The following CEP164 variants were observed in gnomAD, a reference collection of about 807,000 sequenced individuals.
CEP164 encodes the protein centrosomal protein 164.
In CEP164, 162 loss-of-function variants were observed where a neutral mutation model predicts 182.7. That is an observed-to-expected ratio of 0.89 (90% CI 0.78 to 1.01). CEP164 has a LOEUF of 1.01. Among genes scored for constraint, CEP164 ranks in the 50% least tolerant of loss-of-function variants. The probability of loss-of-function intolerance (pLI) is 0.00; values close to 1 mark genes in which losing one functional copy is unlikely to be tolerated. For missense variants in CEP164, 1,735 were observed against 1,790.4 expected (o/e 0.97, Z 0.56); for synonymous variants, 661 against 690.0 (o/e 0.96, Z 0.66).
intron 4 of CEP164, among the ~76,000 whole-genome samples, chr11:117,347,620 G>A (rs1001777774): frequency 3.3e-5 from 5 of 151,872 alleles, no homozygotes; most frequent in African/African-American, 1.2e-4. Context: ...TGAGGCAGGA[G>A]AATTGCTTGA....
At chr11:117,407,662 A>G (rs1209035535) in intron 27 of CEP164, among the ~76,000 whole-genome samples, 1 of 152,024 alleles carries the variant, frequency 6.6e-6, no homozygotes, top group Non-Finnish European at 1.5e-5. Context: ...AAAAACAATA[A>G]TCATAATAAA....
intron 4 of CEP164, among the ~76,000 whole-genome samples, 198 bp from the exon 5 acceptor site, chr11:117,351,592 A>G (rs1383401965): frequency 6.6e-6 from 1 of 152,050 alleles, no homozygotes; most frequent in African/African-American, 2.4e-5. Flanking sequence ...TCTTAGCCAA[A>G]TGGTACCCTT....
At chr11:117,328,488 A>G (rs2035665595) in intron 1 of CEP164, among the ~76,000 whole-genome samples, 2 of 152,186 alleles carry the variant, frequency 1.3e-5, no homozygotes, top group Non-Finnish European at 2.9e-5. Context: ...ACTTGGCTTC[A>G]GCGACTCCCT....
At chr11:117,358,327 G>C (rs142202274) in intron 5 of CEP164, among the ~76,000 whole-genome samples, 164 of 152,218 alleles carry the variant, frequency 1.1e-3, no homozygotes, top group Non-Finnish European at 1.9e-3. Flanking sequence ...GGAGAACAAA[G>C]CCCTCAGCAT....
intron 4 of CEP164, among the ~76,000 whole-genome samples, chr11:117,350,288 G>A (rs1438043423): frequency 2.0e-5 from 3 of 151,676 alleles, no homozygotes; most frequent in Non-Finnish European, 2.9e-5. Context: ...CTGTAGCCTT[G>A]AACTCCTGGG....
At chr11:117,410,617 CA>C in intron 30 of CEP164, 1 of 490,160 alleles carries the variant, frequency 2.0e-6, no homozygotes, top group Non-Finnish European at 3.7e-6. Flanking sequence ...TGAGGGGAAA[CA>C]AAATATCTTC....
In CEP164 at chr11:117,409,886, G is replaced by T. The variant is rs751330106; in HGVS notation, c.4017G>T (p.Gly1339=). 1.2e-6 allele frequency: 2 copies of T among 1,613,954 alleles called. No individual in the cohort carries two copies. Among genetic ancestry groups the T allele is most frequent in the Non-Finnish European group, 8.5e-7 (1 of 1,179,966 alleles). ...PTSTQWAWDS[G]QGPRLPSSVA... ...CCACCCAATGGGCCTGGGATTCAGG[G>T]CAGGGGCCCAGGCTCCCCTCCTCTG... Residue 1339 remains glycine, a synonymous_variant, in exon 30 of 33, where the codon GGG becomes GGT. Coordinates refer to ENST00000278935, the MANE Select transcript of CEP164 (RefSeq NM_014956.5). This position sits in a 1 kb window ranked among gnomAD's most constrained non-coding sequence, Gnocchi z 4.4.
chr11:117,410,905 C>T lies in CEP164; in HGVS notation c.4163+11C>T. ...TTACATGTCTGCCAGGTGAGCCTCC[C>T]TGGGGGCTGGTTGGGGTGGAACGTC... On this transcript the variant is annotated intron_variant, in intron 31 of 32. Transcript: ENST00000278935. 6.2e-7 allele frequency: 1 copy of T among 1,611,072 alleles called. No individual in the cohort carries two copies. The highest frequency in any genetic ancestry group is 1.1e-5 in the South Asian group (1 of 90,342).
At position 117,408,526 on chromosome 11, in the gene CEP164, G is replaced by A. The variant is rs1442227888; in HGVS notation, c.3610-364G>A. 3 of 301,760 alleles carry A rather than the reference G, an allele frequency of 9.9e-6. No individual in the cohort carries two copies. In the East Asian group the frequency reaches 2.3e-4, roughly 23 times the overall value. The allele number at this position is 301,760 out of a possible 1,614,324, so 18.7% of individuals were successfully genotyped here. A position where few individuals can be genotyped will look rare whatever the true frequency, so the allele number is the denominator to read the frequency against. On this transcript the variant is annotated intron_variant, in intron 28 of 32. Coordinates refer to ENST00000278935, the MANE Select transcript of CEP164 (RefSeq NM_014956.5). ...GATGGCACTGTTGTCTCTGTCTCAG[G>A]CATTTGGGACATATGCTGAGCCTTG...
chr11:117,366,585 A>G (rs1442878593), intron 8 of CEP164, among the ~76,000 whole-genome samples: 3 of 152,242 alleles, frequency 2.0e-5, no homozygotes, highest in Non-Finnish European at 4.4e-5. Context: ...AGTGGATCAA[A>G]GGAGCAGGAG....
intron 4 of CEP164, among the ~76,000 whole-genome samples, chr11:117,346,278 T>TC (rs1197885868): frequency 6.6e-6 from 1 of 152,016 alleles, no homozygotes; most frequent in East Asian, 1.9e-4. Context: ...TTTTCACTTT[T>TC]TTTTTTTTGA....
intron 3 of CEP164, among the ~76,000 whole-genome samples, chr11:117,340,635 G>T (rs1245353372): frequency 6.6e-6 from 1 of 152,114 alleles, no homozygotes; most frequent in Non-Finnish European, 1.5e-5. Flanking sequence ...CGTGGGCTCA[G>T]GTGATCCTCC....
chr11:117,391,074 G>A lies in CEP164; in HGVS notation c.2142G>A (p.Leu714=). The change falls in exon 17 of 33, where the codon TTG becomes TTA. Residue 714 remains leucine, a synonymous_variant. Transcript: ENST00000278935. ...AACAGAAGGCTGAGAGGGCCAGCTT[G>A]GAACAGAAAAATAGGCAAATGCTGG... ...ESQQKAERAS[L]EQKNRQMLEQ... is the part of the protein sequence containing the mutation. The A allele has an allele frequency of 6.2e-7, 1 of 1,614,126 alleles. No homozygotes were observed. The highest frequency in any genetic ancestry group is 8.5e-7 in the Non-Finnish European group (1 of 1,180,044).
intron 11 of CEP164, among the ~76,000 whole-genome samples, chr11:117,380,103 C>T (rs1190150757): frequency 1.3e-5 from 2 of 151,992 alleles, no homozygotes; most frequent in Admixed American, 1.3e-4. Context: ...ACAGCTGTCT[C>T]TCTCATTCTA....
chr11:117,370,547 G>A (rs1361350688), intron 8 of CEP164, among the ~76,000 whole-genome samples: 1 of 152,172 alleles, frequency 6.6e-6, no homozygotes, highest in Non-Finnish European at 1.5e-5. Flanking sequence ...GGATCAGCTT[G>A]GGTATATCCA....
upstream of CEP164, among the ~76,000 whole-genome samples, chr11:117,323,108 C>T (rs2134523477): frequency 6.6e-6 from 1 of 152,136 alleles, no homozygotes; most frequent in Non-Finnish European, 1.5e-5. Flanking sequence ...TCCACGTTGG[C>T]CAGGCTGGTC....
chr11:117,391,289 GAGA>G (rs1249792665), intron 17 of CEP164, 74 bp downstream of exon 17: 1 of 1,422,604 alleles, frequency 7.0e-7, no homozygotes, highest in Non-Finnish European at 9.6e-7. Context: ...AGTGCACAAG[GAGA>G]AGAAGGGCAA....
Position 117,390,923 on chromosome 11 carries a change from ACCTGTGAGCTGCCCAGC to A in CEP164, c.2066+20_2066+36del. The A allele has an allele frequency of 6.2e-7, 1 of 1,613,806 alleles. No individual in the cohort carries two copies. On this transcript the variant is annotated intron_variant, in intron 16 of 32. Transcript: ENST00000278935. ...GACCAAATCAGGTAAGTGTGTGCTTACCTGTGAGCTGCCCAGCCCTGCGGAGGCGACCCCAGGGTGCA... is the reference window on the plus strand; with the variant it reads ...GACCAAATCAGGTAAGTGTGTGCTTACCTGCGGAGGCGACCCCAGGGTGCA...
chr11:117,362,128 A>G, intron 6 of CEP164, 135 bp downstream of exon 6: 2 of 907,116 alleles, frequency 2.2e-6, no homozygotes, highest in South Asian at 1.8e-5. Flanking sequence ...CAGTTGGGAA[A>G]ATGTAATTCG....
Sources: gnomAD v4.1 joint callset for allele counts (sites outside exome capture counted in the v4.1 genomes callset) on GRCh38, gnomAD v4.1.1 for gene constraint, Gnocchi (gnomAD v3.1) non-coding constraint, MANE v1.5 for transcripts, NCBI Gene and HGNC (gene_info 2026-07-23, HGNC 2026-07-21) for gene names.